The following ATP2B2 variants were observed in gnomAD, a reference collection of about 807,000 sequenced individuals.
The protein encoded by ATP2B2 is ATPase plasma membrane Ca2+ transporting 2.
Under a neutral mutation model 120.0 loss-of-function variants are expected in ATP2B2, and 15 were observed. The observed-to-expected ratio is 0.12, with a 90% CI of 0.08 to 0.19. The LOEUF (loss-of-function observed/expected upper bound fraction) is 0.19. Among genes scored for constraint, ATP2B2 ranks in the 10% least tolerant of loss-of-function variants. ATP2B2 has a pLI of 1.00. For missense variants in ATP2B2, 1,045 were observed against 1,719.8 expected (o/e 0.61, Z 6.94); for synonymous variants, 694 against 700.3 (o/e 0.99, Z 0.14).
intron 1 of ATP2B2, among the ~76,000 whole-genome samples, chr3:10,489,479 A>G (rs1683906202): frequency 6.6e-6 from 1 of 152,096 alleles, no homozygotes; most frequent in African/African-American, 2.4e-5. Flanking sequence ...GTGGTTCCCA[A>G]ATGTGTCTGT....
intron 2 of ATP2B2, among the ~76,000 whole-genome samples, chr3:10,586,389 C>A (rs1050609163): frequency 6.6e-6 from 1 of 152,328 alleles, no homozygotes; most frequent in East Asian, 1.9e-4. Context: ...TCCATCATCC[C>A]AAGAGGCAGA....
rs761075216 is a variant in ATP2B2, at chr3:10,328,788, G to A, written c.*26C>T. On this transcript the variant is annotated 3_prime_UTR_variant, in exon 23 of 23. Transcript: ENST00000360273. Reference sequence around the variant, plus strand: ...GGGTGGCAGCGGGGTCCATGAGGGCGGGCGGGCAGGCGAGAGGGTCCTCAG... The same window carrying A: ...GGGTGGCAGCGGGGTCCATGAGGGCAGGCGGGCAGGCGAGAGGGTCCTCAG... 1.8e-5 allele frequency: 29 copies of A among 1,584,374 alleles called. No homozygotes were observed. The South Asian group carries it at 2.6e-4, about 14-fold the overall frequency.
At chr3:10,585,230 G>A (rs1326190945) in intron 2 of ATP2B2, among the ~76,000 whole-genome samples, 2 of 152,000 alleles carry the variant, frequency 1.3e-5, no homozygotes, top group Non-Finnish European at 2.9e-5. Context: ...GGGCAGGGTG[G>A]CTCACACCTA....
chr3:10,627,801 C>A (rs1232547246), intron 1 of ATP2B2, among the ~76,000 whole-genome samples: 1 of 152,164 alleles, frequency 6.6e-6, no homozygotes, highest in African/African-American at 2.4e-5. Context: ...CAGTGTCTGA[C>A]CTCGTGGCCT....
chr3:10,402,250 G>C lies in ATP2B2; in HGVS notation c.496C>G (p.Leu166Val). 1 of 1,614,180 alleles carries C rather than the reference G, an allele frequency of 6.2e-7. No homozygotes were observed. Among genetic ancestry groups the C allele is most frequent in the Non-Finnish European group, 8.5e-7 (1 of 1,180,038 alleles). ...AILLSVICVV[L>V]VTAFNDWSKE... ...CTCCAGTCATTGAAGGCCGTGACCA[G>C]GACCACACAGATAACTGAGAGGAGA... The change falls in exon 4 of 23, where the codon CTG (leucine) becomes GTG (valine). Residue 166 changes from leucine (L) to valine (V), a missense_variant. Around this residue, in one of 11 missense-constraint regions of ATP2B2, gnomAD observed 30 missense variants for 66.7 expected, o/e 0.45. Coordinates refer to ENST00000360273, the MANE Select transcript of ATP2B2 (RefSeq NM_001001331.4). The surrounding 1 kb of genome is among the most constrained non-coding windows in gnomAD (Gnocchi z 4.9).
intron 2 of ATP2B2, among the ~76,000 whole-genome samples, chr3:10,615,217 CTG>C (rs1422549541): frequency 6.6e-6 from 1 of 152,136 alleles, no homozygotes; most frequent in Non-Finnish European, 1.5e-5. Context: ...GCGAGCAGAT[CTG>C]TGTTTTCAAA....
chr3:10,429,489 T>C (rs1240075633), intron 2 of ATP2B2, among the ~76,000 whole-genome samples: 2 of 152,216 alleles, frequency 1.3e-5, no homozygotes, highest in South Asian at 4.1e-4. Context: ...CATGTCACTA[T>C]TGTAACCGTT....
upstream of ATP2B2, chr3:10,505,752 G>T (rs1398182411): frequency 7.0e-6 from 1 of 143,372 alleles, no homozygotes; most frequent in Admixed American, 6.9e-5. Context: ...GAGGGACACA[G>T]GGAGGGCCGG....
At chr3:10,504,000 C>T (rs939933994) in intron 1 of ATP2B2, among the ~76,000 whole-genome samples, 1 of 152,174 alleles carries the variant, frequency 6.6e-6, no homozygotes, top group Non-Finnish European at 1.5e-5. Context: ...CATGGGCATT[C>T]CATATGTGTA....
chr3:10,469,454 A>G (rs1387038433), intron 1 of ATP2B2, among the ~76,000 whole-genome samples: 3 of 152,242 alleles, frequency 2.0e-5, no homozygotes, highest in African/African-American at 7.2e-5. Flanking sequence ...TCATGCAGGG[A>G]GGCTAGGTAA....
At chr3:10,688,743 G>A (rs73028124) in intron 1 of ATP2B2, among the ~76,000 whole-genome samples, 4,254 of 152,266 alleles carry the variant, frequency 0.028, 57 homozygotes, top group South Asian at 0.07. Context: ...TCAAAGTGCT[G>A]ACTCACCAAA....
intron 12 of ATP2B2, among the ~76,000 whole-genome samples, chr3:10,370,993 T>A (rs1381864009): frequency 6.6e-6 from 1 of 152,212 alleles, no homozygotes. Context: ...TCAAAATGAA[T>A]AATATTACTA....
rs959523931 is a variant in ATP2B2 at position 10,328,701 on chromosome 3, C to T, written c.*113G>A. Reference sequence around the variant, plus strand: ...GGTTTTCTCTCCAGTATTTGGTTTCCGATTGTTGCTCGTTGCTGCTTGGGT... The same window carrying T: ...GGTTTTCTCTCCAGTATTTGGTTTCTGATTGTTGCTCGTTGCTGCTTGGGT... On this transcript the variant is annotated 3_prime_UTR_variant, in exon 23 of 23. Transcript: ENST00000360273. The T allele has an allele frequency of 2.5e-5, 29 of 1,150,936 alleles. No individual in the cohort carries two copies. Among genetic ancestry groups the T allele is most frequent in the East Asian group, 1.3e-4 (5 of 38,996 alleles). 71.3% of individuals were successfully genotyped at this position (1,150,936 alleles called of 1,614,324 possible).
intron 5 of ATP2B2, among the ~76,000 whole-genome samples, chr3:10,393,743 T>C (rs2124916750): frequency 9.6e-6 from 1 of 103,880 alleles, no homozygotes; most frequent in Admixed American, 1.1e-4. Context: ...CTGTCTGTCC[T>C]GTCCTGCCCA....
intron 2 of ATP2B2, among the ~76,000 whole-genome samples, chr3:10,428,385 G>A (rs2063208003): frequency 6.6e-6 from 1 of 152,170 alleles, no homozygotes; most frequent in African/African-American, 2.4e-5. Flanking sequence ...TTCATTCAGT[G>A]TTGGTTTGGA....
intron 3 of ATP2B2, among the ~76,000 whole-genome samples, chr3:10,405,679 G>A (rs1461978762): frequency 6.6e-6 from 1 of 152,160 alleles, no homozygotes; most frequent in Non-Finnish European, 1.5e-5. Flanking sequence ...CGGCTATAGA[G>A]GGTGTGGCCT....
intron 1 of ATP2B2, among the ~76,000 whole-genome samples, chr3:10,488,350 CACTCACCCACAAATCGATCCATCCAT>C (rs2065794301): frequency 6.8e-6 from 1 of 146,820 alleles, no homozygotes; most frequent in Non-Finnish European, 1.5e-5. Flanking sequence ...TCCATCCATT[CACTCACCCACAAATCGATCCATCCAT>C]CCACCCATCC....
chr3:10,395,601 T>G (rs2062010903), intron 5 of ATP2B2, among the ~76,000 whole-genome samples: 2 of 152,240 alleles, frequency 1.3e-5, no homozygotes, highest in African/African-American at 4.8e-5. Flanking sequence ...CTTTGTGCCA[T>G]CCTTGCAACT....
In ATP2B2 at chr3:10,531,832, T is replaced by C. The variant is rs77860706; in HGVS notation, c.-320+2207A>G. 1.6e-3 allele frequency among the ~76,000 whole-genome samples: 245 copies of C among 152,262 alleles called. 1 individual carries two copies. Among genetic ancestry groups the C allele is most frequent in the African/African-American group, 5.7e-3 (236 of 41,544 alleles). ...TAGGCACTGAGATGATTATTAACAT[T>C]GGTGTGACTGTGATTCCTACTGGCC... On this transcript the variant is annotated intron_variant, in intron 3 of 21. Coordinates refer to the ATP2B2 transcript ENST00000646379.
Sources: allele counts gnomAD v4.1 joint callset (sites outside exome capture counted in the v4.1 genomes callset), GRCh38; gene constraint gnomAD v4.1.1; regional missense constraint gnomAD v4.1.1; non-coding constraint Gnocchi (gnomAD v3.1); transcripts MANE v1.5; gene names NCBI Gene and HGNC (gene_info 2026-07-23, HGNC 2026-07-21).